Variants in VDAC1 observed in about 807,000 individuals in gnomAD.
The protein encoded by VDAC1 is non-selective voltage-gated ion channel VDAC1.
A neutral mutation model predicts 34.7 loss-of-function variants in VDAC1; 10 were observed. The ratio of observed to expected loss-of-function variants is 0.29; its 90% CI spans 0.18 to 0.49. The LOEUF (loss-of-function observed/expected upper bound fraction) is 0.49, where lower values mean the gene tolerates loss of function less well. Ranked by LOEUF, VDAC1 falls within the 20% of genes least tolerant of loss-of-function variation. The pLI, the probability that VDAC1 is intolerant of heterozygous loss-of-function variation, is 0.99. For synonymous variants in VDAC1, 130 were observed against 136.0 expected (o/e 0.96, Z 0.30); for missense variants, 230 against 347.9 (o/e 0.66, Z 2.69).
chr5:134,022,588 G>A, the VDAC1 span, among the ~76,000 whole-genome samples: 8 of 152,100 alleles, frequency 5.3e-5, no homozygotes, highest in East Asian at 1.9e-4. Context: ...CTACCTCCCC[G>A]CAATGGAAAA....
At chr5:133,997,707 C>CAAAAAAAAAAA (rs67591375) in intron 1 of VDAC1, among the ~76,000 whole-genome samples, 1 of 58,352 alleles carries the variant, frequency 1.7e-5, no homozygotes, top group Non-Finnish European at 2.9e-5. Flanking sequence ...GACTGTCTCA[C>CAAAAAAAAAAA]AAAAAAAAAA....
Position 133,975,951 on chromosome 5 carries a change from G to A in VDAC1, c.622C>T (p.Leu208Phe). 1 of 1,613,616 alleles carries A rather than the reference G, an allele frequency of 6.2e-7. No individual in the cohort carries two copies. The highest frequency in any genetic ancestry group is 1.7e-5 in the Admixed American group (1 of 59,908). Reference sequence around the variant, plus strand: ...TTACTGTTTCCTGCTGTCCAGGCAAGATTGACAGCGGTCTCCAACTTCTTG... The same window carrying A: ...TTACTGTTTCCTGCTGTCCAGGCAAAATTGACAGCGGTCTCCAACTTCTTG... ...VNKKLETAVN[L>F]AWTAGNSNTR... Residue 208 changes from leucine to phenylalanine, a missense_variant, in exon 7 of 9, where the codon CTT becomes TTT. Coordinates refer to ENST00000265333, the MANE Select transcript of VDAC1 (RefSeq NM_003374.3).
the VDAC1 span, chr5:134,081,799 GAA>G: frequency 6.5e-6 from 1 of 152,672 alleles, no homozygotes; most frequent in Non-Finnish European, 1.5e-5. Flanking sequence ...TAGCAAGGAA[GAA>G]AATCACTGAG....
the VDAC1 span, among the ~76,000 whole-genome samples, chr5:134,037,142 G>A: frequency 6.6e-6 from 1 of 152,116 alleles, no homozygotes; most frequent in Non-Finnish European, 1.5e-5. Context: ...GACCAGGGTG[G>A]ACACTGCAGG....
the VDAC1 span, among the ~76,000 whole-genome samples, chr5:134,107,179 C>T: frequency 2.0e-5 from 3 of 152,328 alleles, no homozygotes; most frequent in South Asian, 2.1e-4. Context: ...TAGGCTCAAC[C>T]GGGCCAAGTG....
chr5:133,980,711 G>GGCC lies in VDAC1; in HGVS notation c.551+17_551+18insGGC. On this transcript the variant is annotated intron_variant, in intron 6 of 8. Transcript: ENST00000265333. ...CCAACCCCACCCCTCCCACCCTGCTGCCCCCATGTACACTTACACATTAGT... is the reference window on the plus strand; with the variant it reads ...CCAACCCCACCCCTCCCACCCTGCTGGCCCCCCCATGTACACTTACACATTAGT... The GGCC allele has an allele frequency of 2.3e-5, 13 of 556,488 alleles. No homozygotes were observed. The highest frequency in any genetic ancestry group is 3.4e-5 in the African/African-American group (1 of 29,628). 34.5% of individuals were successfully genotyped at this position (556,488 alleles called of 1,614,324 possible). A position where few individuals can be genotyped will look rare whatever the true frequency, so the allele number is the denominator to read the frequency against.
intron 8 of VDAC1, among the ~76,000 whole-genome samples, 192 bp downstream of exon 8, chr5:133,973,599 A>T (rs948371520): frequency 1.3e-5 from 2 of 152,196 alleles, no homozygotes; most frequent in Admixed American, 6.5e-5. Flanking sequence ...TGCTTGCTAC[A>T]TCTCATATTC....
chr5:134,085,130 G>A, the VDAC1 span, among the ~76,000 whole-genome samples: 4 of 151,066 alleles, frequency 2.6e-5, no homozygotes, highest in East Asian at 1.9e-4. Flanking sequence ...GTGCAGTGGC[G>A]CGATCTCAGC....
chr5:134,056,695 TC>T, the VDAC1 span, among the ~76,000 whole-genome samples: 2 of 152,216 alleles, frequency 1.3e-5, no homozygotes, highest in African/African-American at 4.8e-5. Context: ...TTTTTCTTTT[TC>T]TTTTTTGAGA....
the VDAC1 span, among the ~76,000 whole-genome samples, chr5:134,025,417 C>A: frequency 1.2e-4 from 18 of 152,152 alleles, no homozygotes; most frequent in South Asian, 8.3e-4. Flanking sequence ...AACACTGGGA[C>A]TCGCACGTCA....
At chr5:134,005,372 C>G (rs1753724687), upstream of VDAC1, 1 of 152,232 alleles carries the variant, frequency 6.6e-6, no homozygotes, top group South Asian at 2.1e-4. Context: ...CTCCCGAGCT[C>G]CGCGCTCCGG....
the VDAC1 span, among the ~76,000 whole-genome samples, chr5:134,025,834 G>A: frequency 4.4e-3 from 661 of 151,760 alleles, 5 homozygotes; most frequent in African/African-American, 0.015. Flanking sequence ...GGCCTCAAGC[G>A]ATCCTCCCAC....
rs942676414 is a variant in VDAC1 at position 133,995,850 on chromosome 5, A to G, written c.-6-2832T>C. 2.0e-5 allele frequency among the ~76,000 whole-genome samples: 3 copies of G among 152,360 alleles called. No homozygotes were observed. The East Asian group carries it at 5.8e-4, about 29-fold the overall frequency. On this transcript the variant is annotated intron_variant, in intron 1 of 8. Coordinates refer to ENST00000265333, the MANE Select transcript of VDAC1 (RefSeq NM_003374.3). ...TAAGGCGAGGACTGGAGGAAAGAAA[A>G]GTCGGCAACAAAGCCTGCTTTCACT...
At chr5:134,001,176 G>A (rs1753536866) in intron 1 of VDAC1, among the ~76,000 whole-genome samples, 3 of 152,232 alleles carry the variant, frequency 2.0e-5, no homozygotes, top group African/African-American at 7.2e-5. Context: ...CCCTTGGAGT[G>A]CAACTGCAAT....
At chr5:133,979,717 G>A (rs965189645) in intron 6 of VDAC1, among the ~76,000 whole-genome samples, 13 of 152,080 alleles carry the variant, frequency 8.5e-5, no homozygotes, top group African/African-American at 3.1e-4. Context: ...CGTGAGCCAC[G>A]ACGCCCGGCC....
chr5:133,996,747 T>A (rs533530823), intron 1 of VDAC1, among the ~76,000 whole-genome samples: 1 of 152,360 alleles, frequency 6.6e-6, no homozygotes, highest in East Asian at 1.9e-4. Context: ...CATCAAAGTA[T>A]TATTTAGCAA....
the VDAC1 span, among the ~76,000 whole-genome samples, chr5:134,097,625 T>C: frequency 6.6e-6 from 1 of 152,008 alleles, no homozygotes; most frequent in Non-Finnish European, 1.5e-5. Context: ...GGCTGGAAGG[T>C]GCTTGGTCCC....
the VDAC1 span, among the ~76,000 whole-genome samples, chr5:134,038,894 A>G: frequency 1.9e-5 from 2 of 103,468 alleles, no homozygotes; most frequent in South Asian, 6.5e-4. Context: ...CACAAAATGA[A>G]CCCATTTTGT....
At chr5:134,085,312 C>T in the VDAC1 span, among the ~76,000 whole-genome samples, 1 of 152,048 alleles carries the variant, frequency 6.6e-6, no homozygotes, top group Non-Finnish European at 1.5e-5. Flanking sequence ...TCATGATCCG[C>T]CTGCCTCGGC....
Sources: gnomAD v4.1 joint callset for allele counts (sites outside exome capture counted in the v4.1 genomes callset) on GRCh38, gnomAD v4.1.1 for gene constraint, MANE v1.5 for transcripts, NCBI Gene and HGNC (gene_info 2026-07-23, HGNC 2026-07-21) for gene names.